Variants in FGF14 observed in about 807,000 individuals in gnomAD.
FGF14 encodes the protein fibroblast growth factor 14, also known as fibroblast growth factor homologous factor 4.
In FGF14, 5 loss-of-function variants were observed where a neutral mutation model predicts 25.5. The observed-to-expected ratio is 0.20, with a 90% CI of 0.10 to 0.41. FGF14 has a LOEUF of 0.41. Among genes scored for constraint, FGF14 ranks in the 10% least tolerant of loss-of-function variants. FGF14 has a pLI of 1.00. For synonymous variants in FGF14, 138 were observed against 118.3 expected (o/e 1.17, Z -1.08); for missense variants, 222 against 320.1 (o/e 0.69, Z 2.34).
intron 1 of FGF14, among the ~76,000 whole-genome samples, chr13:102,273,169 C>T (rs1489002097): frequency 6.6e-6 from 1 of 152,162 alleles, no homozygotes; most frequent in Non-Finnish European, 1.5e-5. Context: ...GGTAGCAACG[C>T]TGGACATATG....
At chr13:101,749,018 G>T (rs1037161994) in intron 3 of FGF14, among the ~76,000 whole-genome samples, 4 of 152,052 alleles carry the variant, frequency 2.6e-5, no homozygotes, top group African/African-American at 4.8e-5. Flanking sequence ...TTACATGAAT[G>T]AACCTTGAGA....
At chr13:102,096,962 CTG>C (rs943805363) in intron 1 of FGF14, among the ~76,000 whole-genome samples, 35 of 151,986 alleles carry the variant, frequency 2.3e-4, no homozygotes, top group Admixed American at 1.6e-3. Flanking sequence ...TGTACATAGT[CTG>C]TACTCATATA....
chr13:102,132,083 A>T (rs1279071904), intron 1 of FGF14, among the ~76,000 whole-genome samples: 2 of 152,092 alleles, frequency 1.3e-5, no homozygotes, highest in African/African-American at 4.8e-5. Flanking sequence ...TATCCCAGAG[A>T]TATTCTCACA....
chr13:101,785,562 AAACTTT>A (rs1343309390), intron 3 of FGF14, among the ~76,000 whole-genome samples: 16 of 152,238 alleles, frequency 1.1e-4, no homozygotes, highest in Admixed American at 3.9e-4. Context: ...ACTACAAGTT[AAACTTT>A]AAGTTTAAAC....
chr13:102,267,005 A>G (rs1018150683), intron 1 of FGF14, among the ~76,000 whole-genome samples: 2 of 152,190 alleles, frequency 1.3e-5, no homozygotes, highest in African/African-American at 4.8e-5. Context: ...GTTTAACAAA[A>G]GAAGTCTTTC....
intron 1 of FGF14, among the ~76,000 whole-genome samples, chr13:101,915,958 C>T (rs987772628): frequency 6.6e-6 from 1 of 152,206 alleles, no homozygotes; most frequent in African/African-American, 2.4e-5. Flanking sequence ...CTGGGGGCAC[C>T]GCCAGGATAT....
intron 3 of FGF14, among the ~76,000 whole-genome samples, chr13:101,728,319 G>A (rs1431254071): frequency 6.6e-6 from 1 of 152,102 alleles, no homozygotes; most frequent in Non-Finnish European, 1.5e-5. Context: ...CCCTCCTGGA[G>A]CAACTTATGT....
intron 1 of FGF14, among the ~76,000 whole-genome samples, chr13:102,306,463 C>T (rs557038197): frequency 6.6e-6 from 1 of 152,184 alleles, no homozygotes; most frequent in East Asian, 1.9e-4. Context: ...AAAATAGGTA[C>T]TAAACAGGCT....
At chr13:101,963,688 G>A (rs570143645) in intron 1 of FGF14, among the ~76,000 whole-genome samples, 1 of 152,310 alleles carries the variant, frequency 6.6e-6, no homozygotes, top group East Asian at 1.9e-4. Flanking sequence ...TAGTAGCCAT[G>A]TTGGTTTCAG....
intron 1 of FGF14, among the ~76,000 whole-genome samples, chr13:102,132,830 G>T (rs982964963): frequency 2.6e-5 from 4 of 152,044 alleles, no homozygotes; most frequent in African/African-American, 9.7e-5. Context: ...CCTTAAGTGG[G>T]TTTACTTTTG....
chr13:102,163,775 A>T (rs1428074339), intron 1 of FGF14, among the ~76,000 whole-genome samples: 2 of 152,084 alleles, frequency 1.3e-5, no homozygotes, highest in Non-Finnish European at 2.9e-5. Flanking sequence ...GGCATTTCAT[A>T]CACAGAATGG....
intron 3 of FGF14, among the ~76,000 whole-genome samples, chr13:101,773,937 T>C (rs9518534): frequency 0.41 from 61,345 of 149,380 alleles, 14,176 homozygotes; most frequent in Non-Finnish European, 0.52. Flanking sequence ...TTTTGCGCTG[T>C]GCCAAGCATA....
At chr13:102,326,386 CA>C (rs1486908752) in intron 1 of FGF14, among the ~76,000 whole-genome samples, 1 of 151,978 alleles carries the variant, frequency 6.6e-6, no homozygotes, top group African/African-American at 2.4e-5. Context: ...AAATCAAACC[CA>C]AAAGAAGAAT....
At chr13:101,967,364 A>T (rs1594856355) in intron 1 of FGF14, among the ~76,000 whole-genome samples, 1 of 152,206 alleles carries the variant, frequency 6.6e-6, no homozygotes, top group South Asian at 2.1e-4. Flanking sequence ...CTGTTTTCAT[A>T]ATGTTTTCCT....
At chr13:102,144,638 A>G (rs2046780013) in intron 1 of FGF14, among the ~76,000 whole-genome samples, 1 of 152,182 alleles carries the variant, frequency 6.6e-6, no homozygotes, top group African/African-American at 2.4e-5. Context: ...TTTATGTAGT[A>G]CATCTGAGTT....
chr13:102,286,731 C>G (rs1327142803), intron 1 of FGF14, among the ~76,000 whole-genome samples: 1 of 152,152 alleles, frequency 6.6e-6, no homozygotes, highest in Non-Finnish European at 1.5e-5. Flanking sequence ...AGTATTACAA[C>G]AAAAGACTGT....
intron 1 of FGF14, among the ~76,000 whole-genome samples, chr13:102,371,408 C>T (rs1182713695): frequency 6.6e-6 from 1 of 152,076 alleles, no homozygotes; most frequent in Non-Finnish European, 1.5e-5. Context: ...TCTCTCTCCT[C>T]TGCCTAAAAT....
chr13:102,145,944 T>C (rs1217087407), intron 1 of FGF14, among the ~76,000 whole-genome samples: 1 of 152,226 alleles, frequency 6.6e-6, no homozygotes, highest in Admixed American at 6.5e-5. Flanking sequence ...AATAGCATTC[T>C]ACTTAAGCTC....
At chr13:101,777,990 G>A (rs1383629212) in intron 3 of FGF14, among the ~76,000 whole-genome samples, 1 of 152,012 alleles carries the variant, frequency 6.6e-6, no homozygotes, top group Non-Finnish European at 1.5e-5. Flanking sequence ...AAAACCCAGA[G>A]GGGAAGAATC....
Sources: allele counts gnomAD v4.1 joint callset (sites outside exome capture counted in the v4.1 genomes callset), GRCh38; gene constraint gnomAD v4.1.1; transcripts MANE v1.5; gene names NCBI Gene and HGNC (gene_info 2026-07-23, HGNC 2026-07-21).